PTPN9: variants seen among roughly 807,000 people sequenced by gnomAD.
The protein encoded by PTPN9 is tyrosine-protein phosphatase non-receptor type 9.
A neutral mutation model predicts 69.8 loss-of-function variants in PTPN9; 26 were observed. That is an observed-to-expected ratio of 0.37 (90% CI 0.27 to 0.52). PTPN9 has a LOEUF of 0.52. Among genes scored for constraint, PTPN9 ranks in the 20% least tolerant of loss-of-function variants. The pLI is 0.91. For missense variants in PTPN9, 549 were observed against 740.3 expected, an observed-to-expected ratio of 0.74 and a Z score of 3.00; for synonymous variants, 274 against 272.5, an observed-to-expected ratio of 1.01 and a Z score of -0.05.
At chr15:75,504,422 G>T (rs1431035297) in intron 7 of PTPN9, among the ~76,000 whole-genome samples, 3 of 135,288 alleles carry the variant, frequency 2.2e-5, no homozygotes, top group African/African-American at 5.6e-5. Flanking sequence ...ACCCGTCCGG[G>T]AGGGAGGTGG....
chr15:75,554,264 G>A (rs2075067689), intron 1 of PTPN9, among the ~76,000 whole-genome samples: 1 of 150,580 alleles, frequency 6.6e-6, no homozygotes, highest in African/African-American at 2.4e-5. Context: ...GTGCAATCTT[G>A]GCTCACCACA....
At chr15:75,514,091 ACT>A (rs2074856325) in intron 5 of PTPN9, among the ~76,000 whole-genome samples, 1 of 130,018 alleles carries the variant, frequency 7.7e-6, no homozygotes. Context: ...AGAGTGAAAC[ACT>A]CTGTCTCAAA....
In PTPN9 at chr15:75,492,364, G is replaced by A. The variant is rs1049678318; in HGVS notation, c.969-2063C>T. 3.9e-5 allele frequency among the ~76,000 whole-genome samples: 6 copies of A among 152,158 alleles called. No homozygotes were observed. In the South Asian group the frequency reaches 6.2e-4, roughly 16 times the overall value. ...AGCAGATAGGAGGATTTTGGCTGAC[G>A]TGGCCAGACACAGAAGCTAGGACCA... On this transcript the variant is annotated intron_variant, in intron 7 of 12. Coordinates refer to ENST00000618819, the MANE Select transcript of PTPN9 (RefSeq NM_002833.4).
chr15:75,553,164 T>C (rs1326775777), intron 1 of PTPN9, among the ~76,000 whole-genome samples: 1 of 152,176 alleles, frequency 6.6e-6, no homozygotes, highest in Non-Finnish European at 1.5e-5. Context: ...CAAATGGTAG[T>C]GCACATTAAA....
intron 4 of PTPN9, among the ~76,000 whole-genome samples, chr15:75,519,412 T>A (rs1349487156): frequency 6.7e-6 from 1 of 148,350 alleles, no homozygotes; most frequent in East Asian, 2.1e-4. Context: ...GCCTCAAAGT[T>A]ATTTTGTATC....
At position 75,468,553 on chromosome 15, in the gene PTPN9, A is replaced by T. The variant is rs145218225; in HGVS notation, c.*216T>A. The T allele has an allele frequency of 6.2e-6, 3 of 482,508 alleles. No homozygotes were observed. Among genetic ancestry groups the T allele is most frequent in the Non-Finnish European group, 1.1e-5 (3 of 266,422 alleles). 29.9% of individuals were successfully genotyped at this position (482,508 alleles called of 1,614,324 possible). A position where few individuals can be genotyped will look rare whatever the true frequency, so the allele number is the denominator to read the frequency against. On this transcript the variant is annotated 3_prime_UTR_variant, in exon 13 of 13. Transcript: ENST00000618819. Reference sequence around the variant, plus strand: ...GCACAGTTTGATAGCAGATGCTAGGAATTAAGAACACATTGCTACTGGCCC... The same window carrying T: ...GCACAGTTTGATAGCAGATGCTAGGTATTAAGAACACATTGCTACTGGCCC...
chr15:75,477,677 A>T (rs1406664245), intron 9 of PTPN9, among the ~76,000 whole-genome samples: 2 of 152,236 alleles, frequency 1.3e-5, no homozygotes, highest in East Asian at 3.9e-4. Flanking sequence ...AGCACTTACT[A>T]GGAAAACAAG....
In PTPN9 at chr15:75,513,155, G is replaced by A. The variant is rs1427059300; in HGVS notation, c.528+4104C>T. ...CAGTCATGTAAATAGACTAGGCCCA[G>A]GTCTGCAGTTCTTTGCTCTGAAAAA... On this transcript the variant is annotated intron_variant, in intron 5 of 12. Coordinates refer to ENST00000618819, the MANE Select transcript of PTPN9 (RefSeq NM_002833.4). The A allele has an allele frequency of 2.4e-5, 10 of 417,832 alleles. No individual in the cohort carries two copies. The East Asian group carries it at 4.2e-4, about 18-fold the overall frequency. 25.9% of individuals were successfully genotyped at this position (417,832 alleles called of 1,614,324 possible).
At chr15:75,484,414 C>G (rs1200477591) in intron 8 of PTPN9, among the ~76,000 whole-genome samples, 1 of 152,194 alleles carries the variant, frequency 6.6e-6, no homozygotes, top group Admixed American at 6.5e-5. Flanking sequence ...AACACCTGGA[C>G]TCCATTATTA....
intron 1 of PTPN9, among the ~76,000 whole-genome samples, chr15:75,561,608 G>A (rs1029363483): frequency 2.6e-5 from 4 of 152,030 alleles, no homozygotes; most frequent in African/African-American, 9.7e-5. Context: ...GCATGACCAT[G>A]GTTCATTGCA....
chr15:75,546,198 C>T (rs1049745359), intron 1 of PTPN9, among the ~76,000 whole-genome samples: 1 of 152,094 alleles, frequency 6.6e-6, no homozygotes, highest in African/African-American at 2.4e-5. Context: ...AATCCACAAA[C>T]CACAGTAGAA....
intron 1 of PTPN9, among the ~76,000 whole-genome samples, chr15:75,543,748 A>G (rs971784401): frequency 6.6e-6 from 1 of 152,228 alleles, no homozygotes; most frequent in Non-Finnish European, 1.5e-5. Context: ...AAATAACAAT[A>G]AAACATATTA....
At chr15:75,502,675 T>C (rs115711034) in intron 7 of PTPN9, among the ~76,000 whole-genome samples, 1,731 of 152,250 alleles carry the variant, frequency 0.011, 34 homozygotes, top group African/African-American at 0.04. Context: ...CTGTACTCTC[T>C]GACTGTGGAT....
intron 1 of PTPN9, among the ~76,000 whole-genome samples, chr15:75,546,592 G>A (rs1416135714): frequency 2.0e-5 from 3 of 151,438 alleles, no homozygotes; most frequent in African/African-American, 4.9e-5. Flanking sequence ...GCAGTGAGCC[G>A]AGATCATGCC....
intron 1 of PTPN9, among the ~76,000 whole-genome samples, chr15:75,559,133 G>A (rs1395726284): frequency 6.6e-6 from 1 of 151,306 alleles, no homozygotes; most frequent in Non-Finnish European, 1.5e-5. Flanking sequence ...GAGCGCCTCT[G>A]CCCCGCCGCC....
At chr15:75,472,428 C>T (rs895603230) in intron 10 of PTPN9, among the ~76,000 whole-genome samples, 2 of 151,336 alleles carry the variant, frequency 1.3e-5, no homozygotes, top group African/African-American at 4.9e-5. Flanking sequence ...CGCCACTGCA[C>T]TCCAGCCTGG....
At chr15:75,560,906 C>A (rs2075101569) in intron 1 of PTPN9, among the ~76,000 whole-genome samples, 1 of 151,924 alleles carries the variant, frequency 6.6e-6, no homozygotes, top group Non-Finnish European at 1.5e-5. Context: ...GTAATCCCAG[C>A]TACTCAGGAG....
intron 6 of PTPN9, among the ~76,000 whole-genome samples, chr15:75,507,063 A>G (rs199687752): frequency 6.6e-6 from 1 of 152,292 alleles, no homozygotes; most frequent in East Asian, 1.9e-4. Context: ...AGTGCTTAAT[A>G]TATTTTGAGT....
rs1278216431 is a variant in PTPN9, at chr15:75,530,549, A to AAT, written c.64-3290_64-3289dup. On this transcript the variant is annotated intron_variant, in intron 1 of 12. Coordinates refer to ENST00000618819, the MANE Select transcript of PTPN9 (RefSeq NM_002833.4). Reference sequence around the variant, plus strand: ...TTATTATATAATATTATTATATTATAATATATTATATATTATTATATTATA... The same window carrying AAT: ...TTATTATATAATATTATTATATTATAATATATATTATATATTATTATATTATA... Among the ~76,000 whole-genome samples, 3 of 54,568 alleles carry AAT rather than the reference A, an allele frequency of 5.5e-5. 1 individual carries two copies. In the East Asian group the frequency reaches 2.0e-3, roughly 36 times the overall value. The allele number at this position is 54,568 out of a possible 152,430, so 35.8% of individuals were successfully genotyped here. A position where few individuals can be genotyped will look rare whatever the true frequency, so the allele number is the denominator to read the frequency against.
Sources: allele counts gnomAD v4.1 joint callset (sites outside exome capture counted in the v4.1 genomes callset), GRCh38; gene constraint gnomAD v4.1.1; transcripts MANE v1.5; gene names NCBI Gene and HGNC (gene_info 2026-07-23, HGNC 2026-07-21).